The following PRKCQ variants were observed in gnomAD, a reference collection of about 807,000 sequenced individuals.
PRKCQ encodes the protein protein kinase C theta, also known as protein kinase C theta type.
In PRKCQ, 41 loss-of-function variants were observed where a neutral mutation model predicts 91.2. That is an observed-to-expected ratio of 0.45 (90% CI 0.35 to 0.58). The LOEUF is 0.58. Ranked by LOEUF, PRKCQ falls within the 20% of genes least tolerant of loss-of-function variation. PRKCQ has a pLI of 0.00. For synonymous variants in PRKCQ, 307 were observed against 316.9 expected (o/e 0.97, Z 0.33); for missense variants, 673 against 896.5 (o/e 0.75, Z 3.18).
chr10:6,545,001 T>C (rs568012467), intron 1 of PRKCQ, among the ~76,000 whole-genome samples: 3 of 151,000 alleles, frequency 2.0e-5, no homozygotes, highest in Admixed American at 6.6e-5. Context: ...TTTTTTTTAA[T>C]CTATAGGGGA....
Position 6,532,451 on chromosome 10 carries a change from G to C in PRKCQ, c.-9-17307C>G, listed in dbSNP as rs777244106. On this transcript the variant is annotated intron_variant, in intron 1 of 17. Transcript: ENST00000263125. ...AGAGACATTGCTTGAAATGTGCTTC[G>C]GTCTACAGTCATCCCACCCCGACTG... is the stretch of plus-strand genomic sequence containing the variant. Among the ~76,000 whole-genome samples the C allele has an allele frequency of 2.6e-5, 4 of 151,860 alleles. No homozygotes were observed. The South Asian group carries it at 8.3e-4, about 32-fold the overall frequency.
chr10:6,542,885 TTTCA>T (rs1201700771), intron 1 of PRKCQ, among the ~76,000 whole-genome samples: 3 of 152,220 alleles, frequency 2.0e-5, no homozygotes, highest in Non-Finnish European at 4.4e-5. Context: ...GTCACATTCT[TTTCA>T]TTGTTTCTGT....
chr10:6,466,247 T>A (rs752173100), intron 12 of PRKCQ, among the ~76,000 whole-genome samples: 6 of 152,168 alleles, frequency 3.9e-5, no homozygotes, highest in Non-Finnish European at 8.8e-5. Context: ...GTGGAGAAAG[T>A]GGTGGGAGGG....
At chr10:6,505,613 T>TCC (rs1160790407) in intron 4 of PRKCQ, among the ~76,000 whole-genome samples, 20 of 123,586 alleles carry the variant, frequency 1.6e-4, no homozygotes, top group African/African-American at 4.6e-4. Context: ...TCTCTCTCTC[T>TCC]CCCTTCCTTC....
intron 15 of PRKCQ, among the ~76,000 whole-genome samples, chr10:6,453,028 C>T (rs1164608589): frequency 3.3e-5 from 5 of 151,856 alleles, no homozygotes; most frequent in Non-Finnish European, 7.4e-5. Context: ...GACTTCATGT[C>T]TAAAATACCA....
intron 16 of PRKCQ, among the ~76,000 whole-genome samples, chr10:6,439,530 C>A (rs886342585): frequency 6.6e-6 from 1 of 152,126 alleles, no homozygotes; most frequent in East Asian, 1.9e-4. Flanking sequence ...TCCCTTCCAC[C>A]TCCTCCACCT....
At chr10:6,569,523 G>A (rs1326937724) in intron 1 of PRKCQ, among the ~76,000 whole-genome samples, 1 of 152,162 alleles carries the variant, frequency 6.6e-6, no homozygotes, top group Non-Finnish European at 1.5e-5. Context: ...GAGAACTTAA[G>A]AGCAGGGAGT....
At chr10:6,574,426 G>A (rs1197584011) in intron 1 of PRKCQ, among the ~76,000 whole-genome samples, 1 of 152,134 alleles carries the variant, frequency 6.6e-6, no homozygotes, top group Non-Finnish European at 1.5e-5. Flanking sequence ...GGACAATCTG[G>A]GTTTGTACCT....
chr10:6,435,638 G>A (rs573564286), intron 16 of PRKCQ, among the ~76,000 whole-genome samples: 1 of 152,274 alleles, frequency 6.6e-6, no homozygotes, highest in Non-Finnish European at 1.5e-5. Flanking sequence ...TCCTTGGGCC[G>A]CATTGGAAGA....
At chr10:6,482,683 G>A (rs1319157379) in intron 11 of PRKCQ, among the ~76,000 whole-genome samples, 1 of 152,196 alleles carries the variant, frequency 6.6e-6, no homozygotes, top group Non-Finnish European at 1.5e-5. Context: ...ACATGCCCGA[G>A]ACTGGATAAT....
the PRKCQ span, among the ~76,000 whole-genome samples, chr10:6,405,541 C>T: frequency 6.6e-6 from 1 of 152,212 alleles, no homozygotes; most frequent in East Asian, 1.9e-4. Context: ...CACTGGGGAA[C>T]TCCAGCGCCC....
At chr10:6,453,067 A>C (rs1453372071) in intron 15 of PRKCQ, among the ~76,000 whole-genome samples, 3 of 151,992 alleles carry the variant, frequency 2.0e-5, no homozygotes, top group African/African-American at 7.3e-5. Flanking sequence ...GCCAAAATTG[A>C]CAAATGGGAT....
At chr10:6,405,468 C>T in the PRKCQ span, among the ~76,000 whole-genome samples, 3 of 152,220 alleles carry the variant, frequency 2.0e-5, no homozygotes, top group Admixed American at 1.3e-4. Context: ...GCCTTGCTGG[C>T]AGGTTTGCAA....
At chr10:6,538,692 G>A (rs1310535356) in intron 1 of PRKCQ, among the ~76,000 whole-genome samples, 5 of 152,160 alleles carry the variant, frequency 3.3e-5, no homozygotes, top group Admixed American at 6.5e-5. Context: ...CTGGAAAGTC[G>A]GAGTTGGAAT....
rs200318193 is a variant in PRKCQ, at chr10:6,485,234, T to C, written c.936A>G (p.Arg312=). The stretch of plus-strand genomic sequence containing the variant: ...GGAGACCAATTTCAACCGGACCTTC[T>C]CTGAAGATCTGTTCAGTATCTCTTA... The part of the protein sequence containing the change: ...RCLRDTEQIF[R]EGPVEIGLPC... Residue 312 remains arginine, a synonymous_variant, in exon 10 of 18, where the codon AGA becomes AGG. Coordinates refer to ENST00000263125, the MANE Select transcript of PRKCQ (RefSeq NM_006257.5). 3.7e-5 allele frequency: 59 copies of C among 1,613,996 alleles called. No individual in the cohort carries two copies. The highest frequency in any genetic ancestry group is 4.5e-5 in the Non-Finnish European group (53 of 1,179,996).
Position 6,568,283 on chromosome 10 carries a change from T to A in PRKCQ, c.-10+11928A>T, listed in dbSNP as rs80349450. ...ATCCCCCCAAAACTAACAAAAAAAA[T>A]TATGATTTTGTTTTGAAGAAGACTT... On this transcript the variant is annotated intron_variant, in intron 1 of 17. Coordinates refer to ENST00000263125, the MANE Select transcript of PRKCQ (RefSeq NM_006257.5). Among the ~76,000 whole-genome samples the A allele has an allele frequency of 8.7e-3, 1,319 of 152,060 alleles. 17 individuals carry two copies. Among genetic ancestry groups the A allele is most frequent in the East Asian group, 0.046 (238 of 5,186 alleles).
intron 12 of PRKCQ, among the ~76,000 whole-genome samples, chr10:6,467,389 C>CAGAGAGAGAGAG (rs1160599680): frequency 1.1e-3 from 30 of 27,786 alleles, no homozygotes; most frequent in African/African-American, 3.3e-3. Context: ...GAGAGACAGA[C>CAGAGAGAGAGAG]AGAGAGAGAG....
intron 1 of PRKCQ, among the ~76,000 whole-genome samples, chr10:6,575,642 C>G (rs1463225075): frequency 6.6e-6 from 1 of 152,192 alleles, no homozygotes; most frequent in Non-Finnish European, 1.5e-5. Context: ...ACAATGAACT[C>G]AGGAGTAGCA....
At chr10:6,499,995 A>G (rs1173961295) in intron 4 of PRKCQ, among the ~76,000 whole-genome samples, 1 of 152,248 alleles carries the variant, frequency 6.6e-6, no homozygotes, top group Non-Finnish European at 1.5e-5. Context: ...CCAGACAAAA[A>G]GCATTTCCAG....
Sources: gnomAD v4.1 joint callset for allele counts (sites outside exome capture counted in the v4.1 genomes callset) on GRCh38, gnomAD v4.1.1 for gene constraint, MANE v1.5 for transcripts, NCBI Gene and HGNC (gene_info 2026-07-23, HGNC 2026-07-21) for gene names.